CBFA2T3: variants seen among roughly 807,000 people sequenced by gnomAD.
CBFA2T3 encodes the protein CBFA2/RUNX1 partner transcriptional co-repressor 3.
In CBFA2T3, 31 loss-of-function variants were observed where a neutral mutation model predicts 58.6. That is an observed-to-expected ratio of 0.53 (90% CI 0.40 to 0.71). CBFA2T3 has a LOEUF of 0.71. Ranked by LOEUF, CBFA2T3 falls within the 30% of genes least tolerant of loss-of-function variation. CBFA2T3 has a pLI of 0.00. For synonymous variants in CBFA2T3, 531 were observed against 421.9 expected (o/e 1.26, Z -3.17); for missense variants, 1,076 against 963.1 (o/e 1.12, Z -1.55).
At chr16:88,898,929 G>A (rs1969997042) in intron 2 of CBFA2T3, among the ~76,000 whole-genome samples, 2 of 152,366 alleles carry the variant, frequency 1.3e-5, no homozygotes, top group South Asian at 2.1e-4. Flanking sequence ...CAGGAAGACA[G>A]GCTCTAGTAA....
chr16:88,915,376 G>A (rs1327176817), intron 1 of CBFA2T3, among the ~76,000 whole-genome samples: 2 of 86,148 alleles, frequency 2.3e-5, no homozygotes, highest in Non-Finnish European at 4.7e-5. Context: ...TCCTTCAGGA[G>A]CTCCACAAGC....
chr16:88,916,622 G>A (rs1019299001), intron 1 of CBFA2T3, among the ~76,000 whole-genome samples: 1 of 151,100 alleles, frequency 6.6e-6, no homozygotes, highest in South Asian at 2.1e-4. Context: ...AAGGAAGAAG[G>A]GCGGCCCCTG....
chr16:88,893,206 C>T, intron 3 of CBFA2T3, among the ~76,000 whole-genome samples: 1 of 150,132 alleles, frequency 6.7e-6, no homozygotes, highest in South Asian at 2.1e-4. Flanking sequence ...TGCCTCCCAG[C>T]CCTGAGCAAT....
At position 88,908,134 on chromosome 16, in the gene CBFA2T3, G is replaced by A. The variant is rs939586770; in HGVS notation, c.152-6478C>T. On this transcript the variant is annotated intron_variant, in intron 1 of 11. Transcript: ENST00000268679. The stretch of plus-strand genomic sequence containing the variant: ...AGGTAGGCAAACCACTTGAGGTCAG[G>A]AGTTCAGGATCAGCCTGGCCAACAT... 5.3e-5 allele frequency among the ~76,000 whole-genome samples: 8 copies of A among 152,282 alleles called. 1 individual carries two copies. Among genetic ancestry groups the A allele is most frequent in the Middle Eastern group, 6.8e-3 (2 of 294 alleles).
In CBFA2T3 at chr16:88,945,138, C is replaced by T. The variant is rs144197778; in HGVS notation, c.151+31519G>A. 1.4e-3 allele frequency among the ~76,000 whole-genome samples: 208 copies of T among 152,212 alleles called. 7 individuals carry two copies. The East Asian group carries it at 0.036, about 26-fold the overall frequency. On this transcript the variant is annotated intron_variant, in intron 1 of 11. Coordinates refer to ENST00000268679, the MANE Select transcript of CBFA2T3 (RefSeq NM_005187.6). ...ATAGGTATAGATATTTAAAAATAAG[C>T]GGGTGGCTAATGGATTCTAGATACC...
At chr16:88,880,815 G>A (rs766322372) in intron 9 of CBFA2T3, 27 bp from the exon 10 acceptor site, 2 of 1,561,506 alleles carry the variant, frequency 1.3e-6, no homozygotes, top group East Asian at 2.4e-5. Context: ...CGTCACACAG[G>A]ATGGGCCACG....
chr16:88,944,868 G>A (rs1252662337), intron 1 of CBFA2T3, among the ~76,000 whole-genome samples: 1 of 152,238 alleles, frequency 6.6e-6, no homozygotes, highest in African/African-American at 2.4e-5. Context: ...CTTGCCACCA[G>A]CCTTGTTTGC....
intron 1 of CBFA2T3, among the ~76,000 whole-genome samples, chr16:88,968,568 T>C (rs1972572189): frequency 1.3e-5 from 2 of 152,226 alleles, no homozygotes; most frequent in African/African-American, 2.4e-5. Context: ...GGTGACCTTT[T>C]AGAACACGTG....
chr16:88,964,943 TCCATCCATCTA>T (rs1446641696), intron 1 of CBFA2T3, among the ~76,000 whole-genome samples: 1 of 147,486 alleles, frequency 6.8e-6, no homozygotes, highest in African/African-American at 2.6e-5. Context: ...CATCCATCCA[TCCATCCATCTA>T]TCCATCTATC....
chr16:88,955,062 C>T (rs1972183704), intron 1 of CBFA2T3, among the ~76,000 whole-genome samples: 1 of 30,498 alleles, frequency 3.3e-5, no homozygotes, highest in Non-Finnish European at 6.7e-5. Flanking sequence ...GCTCCTGACC[C>T]TACCCAAGGC....
At chr16:88,933,027 C>T (rs531974114) in intron 1 of CBFA2T3, among the ~76,000 whole-genome samples, 158 of 152,216 alleles carry the variant, frequency 1.0e-3, no homozygotes, top group Admixed American at 1.8e-3. Context: ...CCTGGGAGCT[C>T]GAGGGAGGTG....
intron 1 of CBFA2T3, among the ~76,000 whole-genome samples, chr16:88,926,114 G>A (rs1252219005): frequency 6.6e-6 from 1 of 152,228 alleles, no homozygotes; most frequent in Non-Finnish European, 1.5e-5. Flanking sequence ...CTGTGAAAGG[G>A]GGTTAATCCC....
chr16:88,925,369 C>G (rs78333039), intron 1 of CBFA2T3, among the ~76,000 whole-genome samples: 1,762 of 152,294 alleles, frequency 0.012, 35 homozygotes, highest in African/African-American at 0.041. Flanking sequence ...ATCCACCAGG[C>G]GCTCTCATGC....
At chr16:88,900,912 C>T (rs1970070956) in intron 2 of CBFA2T3, among the ~76,000 whole-genome samples, 1 of 152,258 alleles carries the variant, frequency 6.6e-6, no homozygotes, top group African/African-American at 2.4e-5. Context: ...AAGACAAGGC[C>T]TGACAGCTTC....
chr16:88,955,576 C>A, intron 1 of CBFA2T3, among the ~76,000 whole-genome samples: 1 of 11,418 alleles, frequency 8.8e-5, no homozygotes, highest in East Asian at 4.6e-3. Context: ...CTCCTGACCC[C>A]ACCCAAGGCT....
rs554277604 is a variant in CBFA2T3, at chr16:88,881,256, C to T, written c.1402+35G>A. ...AGGTGTCCGCCCCACCAGAGCACCC[C>T]GTGTCTGCTCCCTCCCCCCACACCC... is the stretch of plus-strand genomic sequence containing the variant. On this transcript the variant is annotated intron_variant, in intron 9 of 11. Coordinates refer to ENST00000268679, the MANE Select transcript of CBFA2T3 (RefSeq NM_005187.6). 442 of 1,567,406 alleles carry T rather than the reference C, an allele frequency of 2.8e-4. 6 individuals carry two copies. The South Asian group carries it at 4.1e-3, about 15-fold the overall frequency.
chr16:88,927,126 C>G (rs1036786442), intron 1 of CBFA2T3, among the ~76,000 whole-genome samples: 2 of 152,200 alleles, frequency 1.3e-5, no homozygotes, highest in African/African-American at 2.4e-5. Flanking sequence ...CTCTGCCAGA[C>G]GGAGCAGCAG....
At chr16:88,887,554 G>A (rs1357654330) in intron 5 of CBFA2T3, among the ~76,000 whole-genome samples, 1 of 152,154 alleles carries the variant, frequency 6.6e-6, no homozygotes, top group Non-Finnish European at 1.5e-5. Context: ...GCTCAGGAAA[G>A]GGTGCAGAGA....
Position 88,976,702 on chromosome 16 carries a change from A to T in CBFA2T3, c.106T>A (p.Ser36Thr), listed in dbSNP as rs145973367. Residue 36 changes from serine (S) to threonine (T), a missense_variant, in exon 1 of 12, where the codon TCT becomes ACT. Physicochemically the swap from Ser to Thr is moderately conservative, Grantham distance 58 (BLOSUM62 1). Transcript: ENST00000268679. ...CCCCGGGGTGCGGAGCAGCCGGCAG[A>T]TGCCAGGAGGCCGCTCTCCAGCACA... ...HPVLESGLLA[S>T]AGCSAPRGPR... is the part of the protein sequence containing the mutation. 1 of 1,560,748 alleles carries T rather than the reference A, an allele frequency of 6.4e-7. No homozygotes were observed. Among genetic ancestry groups the T allele is most frequent in the Non-Finnish European group, 8.7e-7 (1 of 1,152,484 alleles).
Sources: allele counts gnomAD v4.1 joint callset (sites outside exome capture counted in the v4.1 genomes callset), GRCh38; gene constraint gnomAD v4.1.1; transcripts MANE v1.5; gene names NCBI Gene and HGNC (gene_info 2026-07-23, HGNC 2026-07-21).